ANKS1A: variants seen among roughly 807,000 people sequenced by gnomAD.
ANKS1A encodes ankyrin repeat and sterile alpha motif domain containing 1A.
In ANKS1A, 55 loss-of-function variants were observed where a neutral mutation model predicts 120.3. The observed-to-expected ratio is 0.46, with a 90% CI of 0.37 to 0.57. The LOEUF is 0.57. Among genes scored for constraint, ANKS1A ranks in the 20% least tolerant of loss-of-function variants. ANKS1A has a pLI of 0.00. For synonymous variants in ANKS1A, 590 were observed against 604.7 expected (o/e 0.98, Z 0.36); for missense variants, 1,123 against 1,480.3 (o/e 0.76, Z 3.96).
intron 1 of ANKS1A, among the ~76,000 whole-genome samples, chr6:34,905,295 C>CA (rs1277283024): frequency 6.6e-6 from 1 of 152,230 alleles, no homozygotes; most frequent in African/African-American, 2.4e-5. Flanking sequence ...TGACTTTTGT[C>CA]CTCAATGGGG....
At chr6:34,990,257 C>T (rs59027262) in intron 9 of ANKS1A, among the ~76,000 whole-genome samples, 5 of 152,122 alleles carry the variant, frequency 3.3e-5, no homozygotes, top group Admixed American at 6.5e-5. Flanking sequence ...CTTTTAAAAA[C>T]GTAAAAGTCA....
At chr6:34,930,236 C>T (rs1768916234) in intron 1 of ANKS1A, among the ~76,000 whole-genome samples, 1 of 152,166 alleles carries the variant, frequency 6.6e-6, no homozygotes, top group African/African-American at 2.4e-5. Flanking sequence ...TTGACCTTTA[C>T]ACTTTTTTCA....
chr6:34,983,323 G>C lies in ANKS1A; in HGVS notation c.911-1G>C. On this transcript the variant is annotated splice_acceptor_variant, in intron 6 of 23. Transcript: ENST00000360359. LOFTEE classifies it high-confidence loss of function. Reference sequence around the variant, plus strand: ...TTTTATTTTTTGATCTTTCCATGTAGATCACATGACTGGAAAAAGAAGTAC... The same window carrying C: ...TTTTATTTTTTGATCTTTCCATGTACATCACATGACTGGAAAAAGAAGTAC... 6.2e-7 allele frequency: 1 copy of C among 1,613,710 alleles called. No homozygotes were observed. Among genetic ancestry groups the C allele is most frequent in the Non-Finnish European group, 8.5e-7 (1 of 1,179,816 alleles).
intron 1 of ANKS1A, among the ~76,000 whole-genome samples, chr6:34,938,139 C>T (rs942330051): frequency 6.6e-6 from 1 of 152,192 alleles, no homozygotes; most frequent in East Asian, 1.9e-4. Context: ...AAATACATTA[C>T]CTCTCATCCA....
intron 2 of ANKS1A, among the ~76,000 whole-genome samples, chr6:34,967,548 T>A (rs868033553): frequency 4.7e-5 from 7 of 147,574 alleles, no homozygotes; most frequent in Non-Finnish European, 7.4e-5. Flanking sequence ...AAAATTTTTT[T>A]AATTAATCAG....
chr6:34,889,808 T>C lies in ANKS1A; in HGVS notation c.197+209T>C, dbSNP rs1258863570. ...TCCGGGCTCGCCTGGTCTCCCGTTC[T>C]GACCCGGCTGCGAAGAATGGTGGGA... On this transcript the variant is annotated intron_variant, in intron 1 of 23. Transcript: ENST00000360359. This position sits in a 1 kb window ranked among gnomAD's most constrained non-coding sequence, Gnocchi z 5.5. Among the ~76,000 whole-genome samples the C allele has an allele frequency of 6.6e-6, 1 of 152,142 alleles. No individual in the cohort carries two copies. Among genetic ancestry groups the C allele is most frequent in the Non-Finnish European group, 1.5e-5 (1 of 68,010 alleles).
At position 35,085,914 on chromosome 6, in the gene ANKS1A, G is replaced by C. The variant is rs756180268; in HGVS notation, c.3281G>C (p.Arg1094Pro). 3.7e-6 allele frequency: 6 copies of C among 1,609,796 alleles called. No individual in the cohort carries two copies. The African/African-American group carries it at 5.3e-5, about 14-fold the overall frequency. Reference sequence around the variant, plus strand: ...TCTTCCAAACCGGTGCCTAAGCCTCGGGTCGGCGTGAGGAAATCCGCAGTA... The same window carrying C: ...TCTTCCAAACCGGTGCCTAAGCCTCCGGTCGGCGTGAGGAAATCCGCAGTA... Reference protein sequence around the residue: ...TKSSKPVPKPRVGVRKSALEP... With the variant: ...TKSSKPVPKPPVGVRKSALEP... The change falls in exon 22 of 24, where the codon CGG (arginine) becomes CCG (proline). Residue 1094 changes from arginine to proline, a missense_variant. This residue lies in a region of ANKS1A where 904 missense variants were observed against 1,130.4 expected (regional missense o/e 0.80). Transcript: ENST00000360359. The surrounding 1 kb of genome is among the most constrained non-coding windows in gnomAD (Gnocchi z 4.7).
intron 11 of ANKS1A, among the ~76,000 whole-genome samples, chr6:35,052,592 C>T (rs1314522071): frequency 7.3e-5 from 7 of 96,018 alleles, no homozygotes; most frequent in African/African-American, 2.5e-4. Flanking sequence ...GACAACATAA[C>T]AAGACCTCTT....
rs1561856639 is a variant in ANKS1A, at chr6:34,934,136, T to TTA, written c.198-33102_198-33101insAT. On this transcript the variant is annotated intron_variant, in intron 1 of 23. Transcript: ENST00000360359. ...CAATTTAGTTCCCCAGGCACTTTAT[T>TTA]TTTATTTATTTATTTATTTATTTAT... 2.0e-5 allele frequency among the ~76,000 whole-genome samples: 3 copies of TTA among 151,984 alleles called. No individual in the cohort carries two copies. The South Asian group carries it at 6.3e-4, about 32-fold the overall frequency.
At chr6:35,088,169 G>A (rs542584814) in intron 23 of ANKS1A, among the ~76,000 whole-genome samples, 14 of 152,352 alleles carry the variant, frequency 9.2e-5, no homozygotes, top group South Asian at 4.1e-4. Context: ...TGACTCCTCC[G>A]AAAGGAGAGG....
At chr6:34,992,880 T>A (rs1010195541) in intron 9 of ANKS1A, among the ~76,000 whole-genome samples, 2 of 152,194 alleles carry the variant, frequency 1.3e-5, no homozygotes, top group African/African-American at 4.8e-5. Context: ...GAGTCCTTGT[T>A]GTCTCATTAG....
chr6:34,898,378 T>C (rs1482477690), intron 1 of ANKS1A, among the ~76,000 whole-genome samples: 1 of 152,128 alleles, frequency 6.6e-6, no homozygotes, highest in East Asian at 1.9e-4. Context: ...GCTGACTCAA[T>C]ATTGTATATT....
chr6:34,979,359 A>G (rs1771778856), intron 3 of ANKS1A, among the ~76,000 whole-genome samples: 2 of 152,216 alleles, frequency 1.3e-5, no homozygotes, highest in Non-Finnish European at 2.9e-5. Flanking sequence ...CAGATATAAT[A>G]AACTTGGGTA....
chr6:34,981,024 A>G (rs1771876274), intron 3 of ANKS1A, among the ~76,000 whole-genome samples: 2 of 152,184 alleles, frequency 1.3e-5, no homozygotes, highest in Admixed American at 1.3e-4. Flanking sequence ...TGAAGTAGAT[A>G]CTGCATGCGT....
rs540292914 is a variant in ANKS1A, at chr6:35,057,241, G to C, written c.2078-2906G>C. Reference sequence around the variant, plus strand: ...AGTTAGCTGAATCGCCAACAGAAGCGTTTACAGCTAACTCATCCCTGTGCC... The same window carrying C: ...AGTTAGCTGAATCGCCAACAGAAGCCTTTACAGCTAACTCATCCCTGTGCC... On this transcript the variant is annotated intron_variant, in intron 12 of 23. Transcript: ENST00000360359. The surrounding 1 kb of genome is among the most constrained non-coding windows in gnomAD (Gnocchi z 4.1). 6.6e-6 allele frequency among the ~76,000 whole-genome samples: 1 copy of C among 152,136 alleles called. No individual in the cohort carries two copies. The highest frequency in any genetic ancestry group is 6.5e-5 in the Admixed American group (1 of 15,292).
Position 35,084,057 on chromosome 6 carries a change from G to A in ANKS1A, c.2995-64G>A. On this transcript the variant is annotated intron_variant, in intron 20 of 23. Coordinates refer to ENST00000360359, the MANE Select transcript of ANKS1A (RefSeq NM_015245.3). The surrounding 1 kb of genome is among the most constrained non-coding windows in gnomAD (Gnocchi z 4.8). ...AGAACAGTGACAATGGTAACAGGCT[G>A]GGGCAGGGGGTGCCAGAGGCATGCC... 5.6e-6 allele frequency: 9 copies of A among 1,598,100 alleles called. No homozygotes were observed. In the South Asian group the frequency reaches 9.0e-5, roughly 16 times the overall value.
intron 8 of ANKS1A, 141 bp from the exon 9 acceptor site, chr6:34,989,083 G>C (rs1772373221): frequency 1.6e-6 from 1 of 635,176 alleles, no homozygotes; most frequent in East Asian, 3.0e-5. Context: ...CATCTGTTCA[G>C]AGACGAAACC....
At chr6:34,913,099 A>G (rs79431846) in intron 1 of ANKS1A, among the ~76,000 whole-genome samples, 2,475 of 152,308 alleles carry the variant, frequency 0.016, 38 homozygotes, top group Middle Eastern at 0.048. Context: ...AGATGATCAA[A>G]TATCTTGACT....
At chr6:34,944,903 G>T (rs1769712358) in intron 1 of ANKS1A, among the ~76,000 whole-genome samples, 1 of 152,098 alleles carries the variant, frequency 6.6e-6, no homozygotes, top group African/African-American at 2.4e-5. Context: ...TTTTCACAGA[G>T]CAGAAGTTTT....
Sources: allele counts gnomAD v4.1 joint callset (sites outside exome capture counted in the v4.1 genomes callset), GRCh38; gene constraint gnomAD v4.1.1; regional missense constraint gnomAD v4.1.1; non-coding constraint Gnocchi (gnomAD v3.1); transcripts MANE v1.5; gene names NCBI Gene and HGNC (gene_info 2026-07-23, HGNC 2026-07-21).